The following CACNA1C variants were observed in gnomAD, a reference collection of about 807,000 sequenced individuals.
The protein encoded by CACNA1C is voltage-dependent L-type calcium channel subunit alpha-1C.
CACNA1C carries 30 observed loss-of-function variants against 229.0 expected under a neutral mutation model. The ratio of observed to expected loss-of-function variants is 0.13; its 90% confidence interval spans 0.10 to 0.18. The LOEUF (loss-of-function observed/expected upper bound fraction) is 0.18. Ranked by LOEUF, CACNA1C falls within the 10% of genes least tolerant of loss-of-function variation. The probability of loss-of-function intolerance (pLI) is 1.00; values close to 1 mark genes in which losing one functional copy is unlikely to be tolerated. For missense variants in CACNA1C, 1,658 were observed against 2,845.0 expected (o/e 0.58, Z 9.49); for synonymous variants, 1,114 against 1,132.5 (o/e 0.98, Z 0.33).
rs1470953896 is a variant in CACNA1C at position 2,594,773 on chromosome 12, C to T, written c.2664-1101C>T. ...ATCTTTGATTGTGACCCCAACACTTCCTCTTCATTTGTGAGAGTCCTGAAG... is the reference window on the plus strand; with the variant it reads ...ATCTTTGATTGTGACCCCAACACTTTCTCTTCATTTGTGAGAGTCCTGAAG... On this transcript the variant is annotated intron_variant, in intron 19 of 46. Coordinates refer to ENST00000399655, the MANE Select transcript of CACNA1C (RefSeq NM_000719.7). Among the ~76,000 whole-genome samples the T allele has an allele frequency of 2.0e-5, 3 of 152,238 alleles. No individual in the cohort carries two copies. In the East Asian group the frequency reaches 5.8e-4, roughly 29 times the overall value.
At chr12:2,475,877 G>A (rs2099624618) in intron 5 of CACNA1C, among the ~76,000 whole-genome samples, 1 of 152,180 alleles carries the variant, frequency 6.6e-6, no homozygotes, top group African/African-American at 2.4e-5. Flanking sequence ...TGGGGCTGCT[G>A]TATAGCTGGT....
At chr12:1,992,196 C>T (rs912200621) in intron 1 of CACNA1C, 17 of 162,014 alleles carry the variant, frequency 1.0e-4, no homozygotes, top group Non-Finnish European at 1.9e-4. Flanking sequence ...TTCACAGGAC[C>T]TGCCATTAGT....
In CACNA1C at chr12:2,504,070, G is replaced by C. The variant is rs559829163; in HGVS notation, c.1114-772G>C. Reference sequence around the variant, plus strand: ...CAGGGGCCTCCGGGTGCAACAGAAGGCTTAATGTCCAGGCAAACCCAAGTG... The same window carrying C: ...CAGGGGCCTCCGGGTGCAACAGAAGCCTTAATGTCCAGGCAAACCCAAGTG... On this transcript the variant is annotated intron_variant, in intron 7 of 46. Transcript: ENST00000399655. The surrounding 1 kb of genome is among the most constrained non-coding windows in gnomAD (Gnocchi z 6.8). Among the ~76,000 whole-genome samples, 29 of 152,328 alleles carry C rather than the reference G, an allele frequency of 1.9e-4. No individual in the cohort carries two copies. The East Asian group carries it at 2.3e-3, about 12-fold the overall frequency.
At chr12:2,201,832 T>A (rs1030497850) in intron 3 of CACNA1C, among the ~76,000 whole-genome samples, 1 of 152,170 alleles carries the variant, frequency 6.6e-6, no homozygotes, top group Non-Finnish European at 1.5e-5. Flanking sequence ...TGGCCAGATA[T>A]CTCTTTAGCA....
intron 3 of CACNA1C, among the ~76,000 whole-genome samples, chr12:2,204,137 C>T (rs4765671): frequency 0.47 from 71,294 of 151,366 alleles, 18,243 homozygotes; most frequent in African/African-American, 0.68. Context: ...TTTTAATGAT[C>T]GCCATTCTAA....
intron 29 of CACNA1C, among the ~76,000 whole-genome samples, chr12:2,618,872 C>T (rs2081987820): frequency 6.6e-6 from 1 of 152,196 alleles, no homozygotes. Context: ...ATGTTTTCGG[C>T]AGCAATGACA....
intron 3 of CACNA1C, among the ~76,000 whole-genome samples, chr12:2,367,441 C>G (rs1333533150): frequency 2.0e-5 from 3 of 152,070 alleles, no homozygotes; most frequent in Non-Finnish European, 4.4e-5. Flanking sequence ...AAGCATAAAA[C>G]AAAATGACAG....
chr12:2,474,816 T>C (rs2099615648), intron 5 of CACNA1C, among the ~76,000 whole-genome samples: 1 of 152,010 alleles, frequency 6.6e-6, no homozygotes, highest in African/African-American at 2.4e-5. Flanking sequence ...CACTTTTTCT[T>C]TCAGAATTGG....
chr12:2,158,524 C>G (rs1312630895), intron 3 of CACNA1C, among the ~76,000 whole-genome samples: 3 of 151,526 alleles, frequency 2.0e-5, no homozygotes, highest in Non-Finnish European at 4.4e-5. Flanking sequence ...AAGACTCTGT[C>G]TCAAAGAAAA....
Position 2,120,399 on chromosome 12 carries a change from A to G in CACNA1C, c.446A>G (p.Glu149Gly). 2 of 1,610,526 alleles carry G rather than the reference A, an allele frequency of 1.2e-6. No individual in the cohort carries two copies. The highest frequency in any genetic ancestry group is 1.7e-6 in the Non-Finnish European group (2 of 1,176,712). Residue 149 changes from glutamate to glycine, a missense_variant, in exon 3 of 47, where the codon GAA becomes GGA. Physicochemically the swap from Glu to Gly is moderately conservative, Grantham distance 98. Around this residue, in one of 20 missense-constraint regions of CACNA1C, gnomAD observed 89 missense variants for 177.8 expected, o/e 0.50. Coordinates refer to ENST00000399655, the MANE Select transcript of CACNA1C (RefSeq NM_000719.7). The stretch of plus-strand genomic sequence containing the variant: ...TTAGCGATCTATATTCCCTTTCCAG[A>G]AGATGATTCCAACGCCACCAATTCC... Reference protein sequence around the residue: ...VALAIYIPFPEDDSNATNSNL... With the variant: ...VALAIYIPFPGDDSNATNSNL...
chr12:2,106,968 G>A (rs567043291), intron 1 of CACNA1C, among the ~76,000 whole-genome samples: 2 of 103,222 alleles, frequency 1.9e-5, no homozygotes, highest in South Asian at 3.8e-4. Flanking sequence ...CGCCCACCCC[G>A]GGGAGGGTTT....
intron 3 of CACNA1C, among the ~76,000 whole-genome samples, chr12:2,389,670 C>T (rs1480447188): frequency 6.6e-6 from 1 of 152,162 alleles, no homozygotes; most frequent in Non-Finnish European, 1.5e-5. Flanking sequence ...TCCATTGCCT[C>T]CTAATTGTCT....
intron 3 of CACNA1C, among the ~76,000 whole-genome samples, chr12:2,140,140 A>G (rs1025191416): frequency 6.6e-5 from 10 of 151,092 alleles, no homozygotes; most frequent in African/African-American, 1.5e-4. Context: ...GTGTGTTGTC[A>G]TCATATTTTG....
intron 9 of CACNA1C, among the ~76,000 whole-genome samples, chr12:2,548,065 T>TA (rs2099885076): frequency 6.6e-6 from 1 of 150,438 alleles, no homozygotes; most frequent in South Asian, 2.1e-4. Flanking sequence ...AAACTAAAAA[T>TA]AAAAAATAAA....
intron 3 of CACNA1C, among the ~76,000 whole-genome samples, chr12:2,373,132 C>T (rs1290628735): frequency 6.6e-6 from 1 of 152,180 alleles, no homozygotes; most frequent in Non-Finnish European, 1.5e-5. Context: ...AGACTTTCAG[C>T]GAAGGAGGAT....
At chr12:2,401,945 A>G (rs969790935) in intron 3 of CACNA1C, among the ~76,000 whole-genome samples, 4 of 152,270 alleles carry the variant, frequency 2.6e-5, no homozygotes, top group Admixed American at 6.5e-5. Flanking sequence ...GGCTCTAGAT[A>G]TGGCATGAGC....
At chr12:2,642,188 C>G (rs2093789999) in intron 30 of CACNA1C, among the ~76,000 whole-genome samples, 1 of 152,200 alleles carries the variant, frequency 6.6e-6, no homozygotes, top group African/African-American at 2.4e-5. Context: ...TGCCGAGGTC[C>G]TGATGCGGCT....
chr12:2,018,662 C>T lies in CACNA1C; in HGVS notation c.139+47461C>T, dbSNP rs567459315. Among the ~76,000 whole-genome samples the T allele has an allele frequency of 6.2e-4, 95 of 152,318 alleles. 1 individual carries two copies. The highest frequency in any genetic ancestry group is 2.0e-3 in the African/African-American group (84 of 41,568). ...TGATGGGACGGAGCTCATTCAGGCC[C>T]TCTGTCTTAATAAGCACAACTCAAC... On this transcript the variant is annotated intron_variant, in intron 1 of 46. Coordinates refer to the CACNA1C transcript ENST00000682462.
intron 3 of CACNA1C, among the ~76,000 whole-genome samples, chr12:2,390,988 G>T (rs1032728929): frequency 6.6e-6 from 1 of 152,182 alleles, no homozygotes; most frequent in Non-Finnish European, 1.5e-5. Flanking sequence ...GTGGTGGTGT[G>T]TTGCTTCTGA....
Sources: allele counts gnomAD v4.1 joint callset (sites outside exome capture counted in the v4.1 genomes callset), GRCh38; gene constraint gnomAD v4.1.1; regional missense constraint gnomAD v4.1.1; non-coding constraint Gnocchi (gnomAD v3.1); transcripts MANE v1.5; gene names NCBI Gene and HGNC (gene_info 2026-07-23, HGNC 2026-07-21).